AXDND1: variants seen among roughly 807,000 people sequenced by gnomAD.
AXDND1 encodes axonemal dynein light chain domain containing 1, also known as axonemal dynein light chain domain-containing protein 1.
A neutral mutation model predicts 137.5 loss-of-function variants in AXDND1; 110 were observed. The observed-to-expected ratio is 0.80, with a 90% CI of 0.69 to 0.94. The LOEUF (loss-of-function observed/expected upper bound fraction) is 0.94, where lower values mean the gene tolerates loss of function less well. Ranked by LOEUF, AXDND1 falls within the 40% of genes least tolerant of loss-of-function variation. AXDND1 has a pLI of 0.00. For synonymous variants in AXDND1, 414 were observed against 399.7 expected (o/e 1.04, Z -0.43); for missense variants, 1,191 against 1,169.8 (o/e 1.02, Z -0.26).
At chr1:179,476,556 GTTT>G (rs71569254) in intron 17 of AXDND1, among the ~76,000 whole-genome samples, 7 of 150,534 alleles carry the variant, frequency 4.7e-5, no homozygotes, top group East Asian at 2.0e-4. Context: ...AAATTCTTCG[GTTT>G]TTTTTTTAAA....
At chr1:179,438,754 T>C (rs987947565) in intron 15 of AXDND1, among the ~76,000 whole-genome samples, 3 of 152,208 alleles carry the variant, frequency 2.0e-5, no homozygotes, top group Non-Finnish European at 4.4e-5. Context: ...ACTGGCAAGA[T>C]TTGCAGGTCA....
intron 15 of AXDND1, among the ~76,000 whole-genome samples, chr1:179,443,009 C>G (rs11582255): frequency 6.6e-6 from 1 of 151,976 alleles, no homozygotes; most frequent in Admixed American, 6.5e-5. Flanking sequence ...CGGTGATTGT[C>G]GAGTAATTGT....
At chr1:179,469,750 T>A (rs1663689593) in intron 17 of AXDND1, among the ~76,000 whole-genome samples, 1 of 152,186 alleles carries the variant, frequency 6.6e-6, no homozygotes, top group Non-Finnish European at 1.5e-5. Context: ...TTTATTGTAG[T>A]TTTGATTCAC....
At chr1:179,551,364 G>A in intron 25 of AXDND1, 2 of 1,614,166 alleles carry the variant, frequency 1.2e-6, no homozygotes, top group East Asian at 2.2e-5. Context: ...AGGTATCGAA[G>A]CTGAACGGCA....
At chr1:179,501,483 GGGTGGATCATGAGGTCA>G (rs1558275233) in intron 20 of AXDND1, among the ~76,000 whole-genome samples, 1 of 152,044 alleles carries the variant, frequency 6.6e-6, no homozygotes, top group African/African-American at 2.4e-5. Flanking sequence ...AGGCTGAGGC[GGGTGGATCATGAGGTCA>G]GGAGATCGAG....
intron 17 of AXDND1, among the ~76,000 whole-genome samples, chr1:179,481,552 A>T (rs1665384033): frequency 6.6e-6 from 1 of 152,192 alleles, no homozygotes; most frequent in Non-Finnish European, 1.5e-5. Flanking sequence ...TCCCTGAGGA[A>T]TCACCACACT....
At chr1:179,430,397 CTA>C in intron 13 of AXDND1, 53 bp from the exon 14 acceptor site, 2 of 1,321,724 alleles carry the variant, frequency 1.5e-6, no homozygotes, top group South Asian at 1.5e-5. Context: ...ATGTTAATGA[CTA>C]TTTGTTATAT....
At chr1:179,463,723 A>G (rs1260530295) in intron 16 of AXDND1, among the ~76,000 whole-genome samples, 2 of 152,166 alleles carry the variant, frequency 1.3e-5, no homozygotes, top group Non-Finnish European at 2.9e-5. Flanking sequence ...GTGGGGTGTT[A>G]AAGTCTCCCA....
chr1:179,420,037 C>T (rs1216692510), intron 12 of AXDND1, among the ~76,000 whole-genome samples: 3 of 152,096 alleles, frequency 2.0e-5, no homozygotes, highest in Non-Finnish European at 2.9e-5. Flanking sequence ...GAGGAAAGGC[C>T]TTTAATTTTT....
intron 12 of AXDND1, among the ~76,000 whole-genome samples, chr1:179,425,336 G>A (rs1227574751): frequency 2.6e-5 from 4 of 152,194 alleles, no homozygotes; most frequent in Non-Finnish European, 5.9e-5. Flanking sequence ...GAGAAGGATG[G>A]CTAGGGGCTA....
chr1:179,462,066 T>G (rs1424054402), intron 16 of AXDND1, among the ~76,000 whole-genome samples: 1 of 152,160 alleles, frequency 6.6e-6, no homozygotes, highest in Non-Finnish European at 1.5e-5. Context: ...GCCCTGGCCA[T>G]AATTTCCAAC....
Position 179,417,191 on chromosome 1 carries a change from C to CTTT in AXDND1, c.1230+5936_1230+5938dup, listed in dbSNP as rs141201555. On this transcript the variant is annotated intron_variant, in intron 12 of 25. Coordinates refer to ENST00000367618, the MANE Select transcript of AXDND1 (RefSeq NM_144696.6). ...CCATTTTAAAATCAGACTATCTCCT[C>CTTT]TTTTTTTTTTTTTGCTATTGAGTTG... Among the ~76,000 whole-genome samples, 745 of 143,578 alleles carry CTTT rather than the reference C, an allele frequency of 5.2e-3. 6 individuals carry two copies. The highest frequency in any genetic ancestry group is 0.017 in the African/African-American group (682 of 39,164). The allele number at this position is 143,578 out of a possible 152,430, so 94.2% of individuals were successfully genotyped here.
intron 15 of AXDND1, among the ~76,000 whole-genome samples, chr1:179,444,630 T>C (rs1248418244): frequency 6.6e-6 from 1 of 150,650 alleles, no homozygotes. Context: ...TAAACAGATA[T>C]ATTACAACCT....
chr1:179,436,122 T>C lies in AXDND1; in HGVS notation c.1563+3780T>C, dbSNP rs139921212. ...TCAACATCACTGATAATTAGAGAAA[T>C]GCAAATCAAAACCACAATGAGATAC... On this transcript the variant is annotated intron_variant, in intron 15 of 25. Coordinates refer to ENST00000367618, the MANE Select transcript of AXDND1 (RefSeq NM_144696.6). Among the ~76,000 whole-genome samples the C allele has an allele frequency of 8.2e-4, 124 of 152,038 alleles. 3 individuals are homozygous for C. Among genetic ancestry groups the C allele is most frequent in the East Asian group, 6.6e-3 (34 of 5,170 alleles).
chr1:179,506,721 C>A, intron 20 of AXDND1: 1 of 300,462 alleles, frequency 3.3e-6, no homozygotes, highest in Non-Finnish European at 4.9e-6. Flanking sequence ...CAGAGTAAGA[C>A]TCTGTGTCAA....
Position 179,528,321 on chromosome 1 carries a change from T to A in AXDND1, c.2611-6T>A, listed in dbSNP as rs1366831673. 3 of 1,609,036 alleles carry A rather than the reference T, an allele frequency of 1.9e-6. No homozygotes were observed. The highest frequency in any genetic ancestry group is 2.6e-6 in the Non-Finnish European group (3 of 1,175,656). On this transcript the variant is annotated splice_region_variant and splice_polypyrimidine_tract_variant and intron_variant, in intron 22 of 25. Coordinates refer to ENST00000367618, the MANE Select transcript of AXDND1 (RefSeq NM_144696.6). Reference sequence around the variant, plus strand: ...GCTAACAGGTCCGCATGTTTCTGTGTTCTAGCAACCTTCAACATCTACAGA... The same window carrying A: ...GCTAACAGGTCCGCATGTTTCTGTGATCTAGCAACCTTCAACATCTACAGA...
chr1:179,439,185 GA>G (rs1258357605), intron 15 of AXDND1, among the ~76,000 whole-genome samples: 1 of 152,200 alleles, frequency 6.6e-6, no homozygotes, highest in Non-Finnish European at 1.5e-5. Flanking sequence ...CACAGAAGGG[GA>G]TAGGAGCTAT....
chr1:179,379,581 G>T (rs1041573222), intron 6 of AXDND1, 99 bp downstream of exon 6: 40 of 1,472,452 alleles, frequency 2.7e-5, no homozygotes, highest in Non-Finnish European at 3.6e-5. Context: ...ATCATCTGAG[G>T]TCAGGAGTTC....
At chr1:179,499,107 T>C (rs1340078715) in intron 20 of AXDND1, among the ~76,000 whole-genome samples, 1 of 152,086 alleles carries the variant, frequency 6.6e-6, no homozygotes, top group Non-Finnish European at 1.5e-5. Flanking sequence ...TAAATCATTC[T>C]ACCAAAAAGA....
Sources: allele counts gnomAD v4.1 joint callset (sites outside exome capture counted in the v4.1 genomes callset), GRCh38; gene constraint gnomAD v4.1.1; transcripts MANE v1.5; gene names NCBI Gene and HGNC (gene_info 2026-07-23, HGNC 2026-07-21).